Variants in SCN11A observed in about 807,000 individuals in gnomAD.
The protein encoded by SCN11A is sodium channel protein type 11 subunit alpha.
SCN11A carries 122 observed loss-of-function variants against 162.2 expected under a neutral mutation model. The ratio of observed to expected loss-of-function variants is 0.75; its 90% CI spans 0.65 to 0.87. The LOEUF (loss-of-function observed/expected upper bound fraction) is 0.87. SCN11A is among the 40% of genes least tolerant of loss of function. The pLI is 0.00. For missense variants in SCN11A, 2,015 were observed against 2,181.6 expected (o/e 0.92, Z 1.52); for synonymous variants, 758 against 751.5 (o/e 1.01, Z -0.14).
intron 2 of SCN11A, among the ~76,000 whole-genome samples, chr3:39,007,296 C>A (rs566897004): frequency 1.3e-5 from 2 of 152,320 alleles, no homozygotes; most frequent in South Asian, 2.1e-4. Context: ...GTTCCTGGCA[C>A]AAAGCTCCTA....
intron 5 of SCN11A, among the ~76,000 whole-genome samples, chr3:38,947,416 T>C (rs886462746): frequency 6.6e-6 from 1 of 152,214 alleles, no homozygotes; most frequent in African/African-American, 2.4e-5. Flanking sequence ...TTGCTCTTTC[T>C]TTACCTCTGT....
In SCN11A at chr3:38,847,211, T is replaced by C; in HGVS notation, c.4859A>G (p.Glu1620Gly). The change falls in exon 30 of 30, where the codon GAA becomes GGA. Residue 1620 changes from glutamate (E) to glycine (G), a missense_variant. Coordinates refer to ENST00000302328, the MANE Select transcript of SCN11A (RefSeq NM_001349253.2). ...ATEESEDPLG[E>G]DDFDIFYEVW... is the part of the protein sequence containing the mutation. The stretch of plus-strand genomic sequence containing the variant: ...TTCATAAAATATGTCAAAGTCATCT[T>C]CACCCAAAGGGTCCTCACTTTCTTC... The C allele has an allele frequency of 6.2e-7, 1 of 1,614,056 alleles. No homozygotes were observed. The highest frequency in any genetic ancestry group is 1.1e-5 in the South Asian group (1 of 91,058).
intron 28 of SCN11A, among the ~76,000 whole-genome samples, chr3:38,860,649 A>C (rs945578254): frequency 6.6e-6 from 1 of 152,220 alleles, no homozygotes; most frequent in Non-Finnish European, 1.5e-5. Flanking sequence ...TCATATGATC[A>C]TCTCAACAGA....
intron 4 of SCN11A, among the ~76,000 whole-genome samples, chr3:38,951,773 T>A (rs2066622057): frequency 1.3e-5 from 2 of 152,046 alleles, no homozygotes; most frequent in African/African-American, 4.8e-5. Context: ...GTGTCTATAC[T>A]CTGTATCTAA....
intron 17 of SCN11A, among the ~76,000 whole-genome samples, chr3:38,897,592 T>C (rs1209651981): frequency 6.6e-6 from 1 of 152,056 alleles, no homozygotes; most frequent in Non-Finnish European, 1.5e-5. Context: ...GGCGCATGCC[T>C]GTAGTCCCAG....
chr3:38,943,610 A>G (rs2066472355), intron 7 of SCN11A, among the ~76,000 whole-genome samples: 2 of 152,248 alleles, frequency 1.3e-5, no homozygotes, highest in Admixed American at 6.5e-5. Flanking sequence ...TAAAAAGTTA[A>G]TATTTTGGTT....
At chr3:38,987,616 T>C (rs1185776189) in intron 2 of SCN11A, among the ~76,000 whole-genome samples, 1 of 151,604 alleles carries the variant, frequency 6.6e-6, no homozygotes, top group Non-Finnish European at 1.5e-5. Flanking sequence ...CCTGAAGGGG[T>C]CTAACTTCAT....
intron 16 of SCN11A, among the ~76,000 whole-genome samples, chr3:38,903,562 T>C (rs1410203822): frequency 6.6e-6 from 1 of 152,244 alleles, no homozygotes; most frequent in Non-Finnish European, 1.5e-5. Context: ...TCTCTGGATA[T>C]GGTTAACATT....
intron 29 of SCN11A, among the ~76,000 whole-genome samples, chr3:38,848,296 A>G (rs2064710228): frequency 6.6e-6 from 1 of 152,238 alleles, no homozygotes; most frequent in African/African-American, 2.4e-5. Context: ...GATTTAAGAC[A>G]ATTCACATTT....
At chr3:39,005,030 C>T (rs1327877446) in intron 2 of SCN11A, among the ~76,000 whole-genome samples, 2 of 152,164 alleles carry the variant, frequency 1.3e-5, no homozygotes, top group African/African-American at 4.8e-5. Context: ...ATGAAAGGGT[C>T]GTGTTTGATT....
At chr3:38,860,294 C>T (rs945703588) in intron 28 of SCN11A, among the ~76,000 whole-genome samples, 2 of 152,080 alleles carry the variant, frequency 1.3e-5, no homozygotes, top group Non-Finnish European at 2.9e-5. Context: ...TTGCAATTCC[C>T]CCATCTTGAT....
At chr3:38,859,577 C>T (rs2064929431) in intron 28 of SCN11A, among the ~76,000 whole-genome samples, 1 of 152,106 alleles carries the variant, frequency 6.6e-6, no homozygotes, top group African/African-American at 2.4e-5. Context: ...CAGCTGAATT[C>T]TATCAGACAT....
intron 11 of SCN11A, among the ~76,000 whole-genome samples, chr3:38,912,068 A>C (rs1164716393): frequency 6.6e-6 from 1 of 152,170 alleles, no homozygotes; most frequent in Non-Finnish European, 1.5e-5. Flanking sequence ...GTTTTGCTTT[A>C]GGTTGACTGA....
At chr3:39,042,295 C>T (rs1310519606) in intron 1 of SCN11A, among the ~76,000 whole-genome samples, 3 of 152,086 alleles carry the variant, frequency 2.0e-5, no homozygotes, top group Non-Finnish European at 4.4e-5. Flanking sequence ...AACCAAGAGC[C>T]TATTCTGCCT....
intron 7 of SCN11A, among the ~76,000 whole-genome samples, chr3:38,934,271 T>C (rs945216454): frequency 6.6e-6 from 1 of 152,214 alleles, no homozygotes; most frequent in African/African-American, 2.4e-5. Flanking sequence ...TGCAAAATCA[T>C]GCCAAATTGT....
rs777094246 is a variant in SCN11A at position 38,847,386 on chromosome 3, G to A, written c.4684C>T (p.Arg1562Ter). The A allele has an allele frequency of 8.1e-6, 13 of 1,613,950 alleles. No individual in the cohort carries two copies. The highest frequency in any genetic ancestry group is 1.3e-5 in the African/African-American group (1 of 74,928). Residue 1562 changes from arginine to a stop codon, truncating the protein, a stop_gained, in exon 30 of 30, where the codon CGA (arginine) becomes TGA (stop). Transcript: ENST00000302328. LOFTEE classifies it low-confidence loss of function (END_TRUNC). ...GAAGAGTTACATGATTCTTTTGATC[G>A]CAGCATGGGGCTGAGCAGGGAATCC... is the stretch of plus-strand genomic sequence containing the variant. The part of the protein sequence containing the change: ...GWDSLLSPML[R>*]SKESCNSSSE...
intron 2 of SCN11A, among the ~76,000 whole-genome samples, chr3:39,010,079 C>T (rs4558686): frequency 0.099 from 15,050 of 151,950 alleles, 1,014 homozygotes; most frequent in East Asian, 0.22. Context: ...TCTAGTTAAA[C>T]GGAAGTTGTC....
chr3:38,909,085 T>C lies in SCN11A; in HGVS notation c.1211A>G (p.Glu404Gly), dbSNP rs749151291. 3.7e-6 allele frequency: 6 copies of C among 1,614,144 alleles called. No individual in the cohort carries two copies. The highest frequency in any genetic ancestry group is 5.1e-6 in the Non-Finnish European group (6 of 1,179,992). The change falls in exon 13 of 30, where the codon GAG (glutamate) becomes GGG (glycine). Residue 404 changes from glutamate to glycine, a missense_variant. Transcript: ENST00000302328. ...TGCAGCTACATTCTTGTTCTGCTCC[T>C]CATATGCCATGGTAACAACAGCCAG... Reference protein sequence around the residue: ...LTLAVVTMAYEEQNKNVAAEI... With the variant: ...LTLAVVTMAYGEQNKNVAAEI...
At chr3:38,938,556 T>A (rs1209700283) in intron 7 of SCN11A, among the ~76,000 whole-genome samples, 143 of 42,212 alleles carry the variant, frequency 3.4e-3, no homozygotes, top group East Asian at 6.0e-3. Flanking sequence ...ATATATTTTT[T>A]TTTTTTTTTT....
Sources: gnomAD v4.1 joint callset for allele counts (sites outside exome capture counted in the v4.1 genomes callset) on GRCh38, gnomAD v4.1.1 for gene constraint, MANE v1.5 for transcripts, NCBI Gene and HGNC (gene_info 2026-07-23, HGNC 2026-07-21) for gene names.